The following TSC2 variants were observed in gnomAD, a reference collection of about 807,000 sequenced individuals.
TSC2 encodes the protein tuberin.
A neutral mutation model predicts 202.2 loss-of-function variants in TSC2; 29 were observed. That is an observed-to-expected ratio of 0.14 (90% CI 0.11 to 0.20). The LOEUF (loss-of-function observed/expected upper bound fraction) is 0.20. Ranked by LOEUF, TSC2 falls within the 10% of genes least tolerant of loss-of-function variation. The pLI, the probability that TSC2 is intolerant of heterozygous loss-of-function variation, is 1.00. For missense variants in TSC2, 2,429 were observed against 2,420.0 expected (o/e 1.00, Z -0.08); for synonymous variants, 1,349 against 1,044.0 (o/e 1.29, Z -5.63).
chr16:2,057,710 G>T (rs904279741), intron 9 of TSC2, among the ~76,000 whole-genome samples: 2 of 152,130 alleles, frequency 1.3e-5, no homozygotes, highest in Admixed American at 6.5e-5. Flanking sequence ...AAGCCAGGTG[G>T]TTCCCAGCGC....
Position 2,054,372 on chromosome 16 carries a change from A to T in TSC2, c.413A>T (p.Glu138Val). The T allele has an allele frequency of 6.2e-7, 1 of 1,614,192 alleles. No homozygotes were observed. Among genetic ancestry groups the T allele is most frequent in the Non-Finnish European group, 8.5e-7 (1 of 1,180,020 alleles). The change falls in exon 5 of 42, where the codon GAA (glutamate) becomes GTA (valine). Residue 138 changes from glutamate (E) to valine (V), a missense_variant. Glu to Val is a moderately radical substitution (Grantham distance 121, BLOSUM62 -2). Coordinates refer to ENST00000219476, the MANE Select transcript of TSC2 (RefSeq NM_000548.5). ...KDYPSNEDLH[E>V]RLEVFKALTD... Reference sequence around the variant, plus strand: ...TACCCTTCCAACGAAGACCTTCACGAAAGGCTGGAGGTTTTCAAGGCCCTC... The same window carrying T: ...TACCCTTCCAACGAAGACCTTCACGTAAGGCTGGAGGTTTTCAAGGCCCTC...
chr16:2,048,368 G>C (rs1745097710), intron 1 of TSC2: 1 of 862,038 alleles, frequency 1.2e-6, no homozygotes, highest in Non-Finnish European at 1.9e-6. Context: ...GGCAGCGTCT[G>C]AGTAGAGAGC....
chr16:2,075,698 C>T (rs2089229146), intron 22 of TSC2, 101 bp from the exon 23 acceptor site: 1 of 1,311,684 alleles, frequency 7.6e-7, no homozygotes, highest in Admixed American at 1.8e-5. Context: ...CTTCTCTCCT[C>T]TGCAGCACCC....
rs397515095 is a variant in TSC2 at position 2,076,601 on chromosome 16, G to A, written c.2837+16G>A. The A allele has an allele frequency of 2.5e-6, 4 of 1,612,390 alleles. No homozygotes were observed. The highest frequency in any genetic ancestry group is 1.3e-5 in the African/African-American group (1 of 74,914). ...GACCCAAGAGGTACGGCCTGCGGGGGTGTGCCTGGAGTCGGTGTGGGGTGG... is the reference window on the plus strand; with the variant it reads ...GACCCAAGAGGTACGGCCTGCGGGGATGTGCCTGGAGTCGGTGTGGGGTGG... On this transcript the variant is annotated intron_variant, in intron 25 of 41. Coordinates refer to ENST00000219476, the MANE Select transcript of TSC2 (RefSeq NM_000548.5).
At chr16:2,055,182 C>G (rs905322099) in intron 5 of TSC2, 1 of 630,228 alleles carries the variant, frequency 1.6e-6, no homozygotes, top group Non-Finnish European at 2.9e-6. Flanking sequence ...CTGTGCAGCC[C>G]CAGGGGCGGT....
Position 2,070,536 on chromosome 16 carries a change from G to A in TSC2, c.1797G>A (p.Lys599=), listed in dbSNP as rs1168827262. 2 of 1,613,314 alleles carry A rather than the reference G, an allele frequency of 1.2e-6. No homozygotes were observed. Among genetic ancestry groups the A allele is most frequent in the South Asian group, 2.2e-5 (2 of 91,090 alleles). ...TCAGCCACATTCAGCTCCACTACAA[G>A]CACAGCTACACCCTGCCAATCGCGA... The part of the protein sequence containing the change: ...MLVSHIQLHY[K]HSYTLPIASS... The change falls in exon 17 of 42, where the codon AAG becomes AAA. Residue 599 remains lysine (K), a synonymous_variant. Transcript: ENST00000219476.
rs556561487 is a variant in TSC2 at position 2,060,868 on chromosome 16, G to A, written c.1119+55G>A. On this transcript the variant is annotated intron_variant, in intron 11 of 41. Transcript: ENST00000219476. Reference sequence around the variant, plus strand: ...ACCGGGAACCCAGACAGGCAGGCTCGGCCCACTCAGAAGATGGTACCTTGG... The same window carrying A: ...ACCGGGAACCCAGACAGGCAGGCTCAGCCCACTCAGAAGATGGTACCTTGG... 9 of 1,601,444 alleles carry A rather than the reference G, an allele frequency of 5.6e-6. No homozygotes were observed. The African/African-American group carries it at 6.7e-5, about 12-fold the overall frequency.
intron 21 of TSC2, among the ~76,000 whole-genome samples, chr16:2,073,231 C>T (rs1287311545): frequency 1.3e-5 from 2 of 151,624 alleles, no homozygotes; most frequent in East Asian, 3.8e-4. Context: ...CATCTCTGCT[C>T]TCTGTAGAGC....
At chr16:2,075,963 G>A in intron 23 of TSC2, 71 bp downstream of exon 23, 1 of 1,611,786 alleles carries the variant, frequency 6.2e-7, no homozygotes, top group East Asian at 2.2e-5. Context: ...GAAAGCCCCG[G>A]CAGCCTTTGT....
Position 2,088,043 on chromosome 16 carries a change from C to T in TSC2, c.5069-5C>T, listed in dbSNP as rs762149472. The T allele has an allele frequency of 2.5e-6, 4 of 1,612,122 alleles. No homozygotes were observed. Among genetic ancestry groups the T allele is most frequent in the Non-Finnish European group, 3.4e-6 (4 of 1,179,898 alleles). ...GGGCCTGGCGTGACCACCAAGTCTC[C>T]CCAGACATGGAGGGCCTTGTGGACA... On this transcript the variant is annotated splice_region_variant and splice_polypyrimidine_tract_variant and intron_variant, in intron 39 of 41. Transcript: ENST00000219476.
At position 2,089,440 on chromosome 16, in the gene TSC2, C is replaced by T. The variant is rs949067437; in HGVS notation, c.*830C>T. The T allele has an allele frequency of 2.0e-6, 1 of 504,956 alleles. No homozygotes were observed. The highest frequency in any genetic ancestry group is 2.4e-5 in the South Asian group (1 of 41,980). 31.3% of individuals were successfully genotyped at this position (504,956 alleles called of 1,614,324 possible). On this transcript the variant is annotated 3_prime_UTR_variant, in exon 42 of 42. Transcript: ENST00000219476. ...CCCAGGGGGTGGGGCCGGGCACAGC[C>T]CGCTGTACCTGAGGACTCGGGGAAA...
At chr16:2,075,744 T>C (rs1470536999) in intron 22 of TSC2, 55 bp from the exon 23 acceptor site, 1 of 1,587,358 alleles carries the variant, frequency 6.3e-7, no homozygotes, top group Non-Finnish European at 8.6e-7. Context: ...GTGTTGGCCT[T>C]CAGAGGCGCT....
intron 16 of TSC2, among the ~76,000 whole-genome samples, chr16:2,067,320 C>T (rs2087530075): frequency 1.3e-5 from 2 of 152,026 alleles, no homozygotes; most frequent in Non-Finnish European, 2.9e-5. Flanking sequence ...CGTCACCACA[C>T]CTGGCTAATT....
chr16:2,087,751 C>T (rs1437658271), intron 38 of TSC2, 112 bp from the exon 39 acceptor site: 141 of 1,322,626 alleles, frequency 1.1e-4, no homozygotes, highest in Non-Finnish European at 1.4e-4. Flanking sequence ...AGTTCAGGGG[C>T]AGATGCTGCC....
chr16:2,058,322 C>G (rs2086163158), intron 9 of TSC2, among the ~76,000 whole-genome samples: 1 of 152,256 alleles, frequency 6.6e-6, no homozygotes, highest in Admixed American at 6.5e-5. Flanking sequence ...CCGAGTTACT[C>G]TGTTTACTGA....
At position 2,088,049 on chromosome 16, in the gene TSC2, C is replaced by G. The variant is rs1596457380; in HGVS notation, c.5070C>G (p.Asp1690Glu). 1 of 1,612,648 alleles carries G rather than the reference C, an allele frequency of 6.2e-7. No individual in the cohort carries two copies. Among genetic ancestry groups the G allele is most frequent in the East Asian group, 2.2e-5 (1 of 44,726 alleles). Residue 1690 changes from aspartate to glutamate, a missense_variant and splice_region_variant, in exon 40 of 42, where the codon GAC (aspartate) becomes GAG (glutamate). By Grantham distance (45) the Asp-to-Glu change is conservative. Coordinates refer to ENST00000219476, the MANE Select transcript of TSC2 (RefSeq NM_000548.5). ...CNLVSLQCRK[D>E]MEGLVDTSVA... ...GGCGTGACCACCAAGTCTCCCCAGA[C>G]ATGGAGGGCCTTGTGGACACCAGCG...
intron 4 of TSC2, chr16:2,054,031 G>A (rs2085460097): frequency 5.4e-6 from 3 of 551,328 alleles, no homozygotes; most frequent in Admixed American, 3.1e-5. Context: ...CAGGAGCTGT[G>A]TCATCCCCTG....
chr16:2,049,894 GA>G (rs541711410), intron 2 of TSC2, among the ~76,000 whole-genome samples: 4 of 149,814 alleles, frequency 2.7e-5, no homozygotes, highest in Admixed American at 6.7e-5. Context: ...TTGCAGTTGT[GA>G]AAAAAAATTG....
intron 22 of TSC2, chr16:2,074,957 T>C: frequency 5.6e-6 from 1 of 178,076 alleles, no homozygotes; most frequent in Non-Finnish European, 1.2e-5. Flanking sequence ...GGCTCAGGCC[T>C]GTCATCCCAG....
Sources: allele counts gnomAD v4.1 joint callset (sites outside exome capture counted in the v4.1 genomes callset), GRCh38; gene constraint gnomAD v4.1.1; transcripts MANE v1.5; gene names NCBI Gene and HGNC (gene_info 2026-07-23, HGNC 2026-07-21).